Variants in PHKA2 observed in about 807,000 individuals in gnomAD.
PHKA2 encodes the protein phosphorylase b kinase regulatory subunit alpha, liver isoform.
In PHKA2, 31 loss-of-function variants were observed where a neutral mutation model predicts 102.0. That is an observed-to-expected ratio of 0.30 (90% CI 0.23 to 0.41). PHKA2 has a LOEUF of 0.41. PHKA2 is among the 10% of genes least tolerant of loss of function. The pLI is 1.00. For missense variants in PHKA2, 858 were observed against 1,023.1 expected (o/e 0.84, Z 2.20); for synonymous variants, 455 against 416.2 (o/e 1.09, Z -1.13).
intron 14 of PHKA2, among the ~76,000 whole-genome samples, chrX:18,926,088 G>A (rs2048205652): frequency 8.9e-6 from 1 of 112,454 alleles, no homozygotes; most frequent in South Asian, 3.6e-4. Flanking sequence ...AAGTCAGATT[G>A]TAGAAAAAGC....
chrX:18,919,607 G>A (rs1028321289), intron 18 of PHKA2, among the ~76,000 whole-genome samples: 2 of 108,829 alleles, frequency 1.8e-5, no homozygotes, highest in African/African-American at 6.7e-5. Flanking sequence ...TAGCCACTTG[G>A]GAGGCTGAGG....
At chrX:18,972,235 C>T (rs2049027569) in intron 1 of PHKA2, among the ~76,000 whole-genome samples, 1 of 112,247 alleles carries the variant, frequency 8.9e-6, no homozygotes, top group African/African-American at 3.2e-5. Context: ...CCTTTCTGTT[C>T]TTGAGGTCTT....
At chrX:18,942,389 T>C (rs1277099882) in intron 7 of PHKA2, among the ~76,000 whole-genome samples, 1 of 111,681 alleles carries the variant, frequency 9.0e-6, no homozygotes, top group Non-Finnish European at 1.9e-5. Context: ...CATAAGCTCA[T>C]TGAATCTTTC....
At chrX:18,965,940 C>T (rs1401107801) in intron 1 of PHKA2, among the ~76,000 whole-genome samples, 2 of 110,486 alleles carry the variant, frequency 1.8e-5, no homozygotes, top group Non-Finnish European at 3.8e-5. Flanking sequence ...GAGAATGCAA[C>T]TTTGTTTCAT....
chrX:18,944,370 T>C lies in PHKA2; in HGVS notation c.619-562A>G, dbSNP rs182277536. On this transcript the variant is annotated intron_variant, in intron 6 of 32. Transcript: ENST00000379942. ...GAAAGTTAATTCTTTTAGTAATAAG[T>C]ACACTTTCTGTCTGTTTACTTCAAT... is the stretch of plus-strand genomic sequence containing the variant. Among the ~76,000 whole-genome samples the C allele has an allele frequency of 7.7e-4, 86 of 111,967 alleles. 2 individuals are homozygous for C. Among genetic ancestry groups the C allele is most frequent in the Middle Eastern group, 4.6e-3 (1 of 216 alleles).
chrX:18,907,335 G>A (rs950951337), intron 22 of PHKA2, among the ~76,000 whole-genome samples: 2 of 112,548 alleles, frequency 1.8e-5, no homozygotes, highest in South Asian at 3.7e-4. Flanking sequence ...GCCTGGCTCC[G>A]AAGGGCCCGT....
intron 17 of PHKA2, among the ~76,000 whole-genome samples, chrX:18,922,820 C>T (rs1051593801): frequency 6.4e-5 from 7 of 110,201 alleles, no homozygotes; most frequent in African/African-American, 2.0e-4. Context: ...CTGAACTATA[C>T]ACTTACAAAT....
At chrX:18,924,028 T>A (rs760111799) in intron 17 of PHKA2, 28 bp downstream of exon 17, 1 of 1,044,896 alleles carries the variant, frequency 9.6e-7, no homozygotes, top group Non-Finnish European at 1.3e-6. Flanking sequence ...GTGCTACTCT[T>A]ATATTTTTTA....
At chrX:18,897,481 G>T in intron 29 of PHKA2, 148 bp from the exon 30 acceptor site, 1 of 506,463 alleles carries the variant, frequency 2.0e-6, no homozygotes, top group Non-Finnish European at 3.3e-6. Context: ...AGTCCACCTT[G>T]TCTGTTTCCT....
intron 1 of PHKA2, among the ~76,000 whole-genome samples, chrX:18,979,576 A>C (rs5955671): frequency 0.18 from 19,633 of 111,199 alleles, 1,469 homozygotes; most frequent in East Asian, 0.33. Flanking sequence ...TAAAGGCAAC[A>C]AATGTTTAAA....
rs181813010 is a variant in PHKA2, at chrX:18,907,319, C to T, written c.2518-222G>A. On this transcript the variant is annotated intron_variant, in intron 22 of 32. Coordinates refer to ENST00000379942, the MANE Select transcript of PHKA2 (RefSeq NM_000292.3). ...TGTGGTCTCTGTCTCCAATGTGTGG[C>T]CCCAAGCCTGGCTCCGAAGGGCCCG... 5.9e-3 allele frequency among the ~76,000 whole-genome samples: 665 copies of T among 112,524 alleles called. 9 individuals carry two copies. The highest frequency in any genetic ancestry group is 0.039 in the Admixed American group (417 of 10,682).
At chrX:18,955,374 GT>G (rs35875518) in intron 1 of PHKA2, among the ~76,000 whole-genome samples, 15,558 of 90,230 alleles carry the variant, frequency 0.17, 3,423 homozygotes, top group African/African-American at 0.57. Flanking sequence ...GCTGCTAGTA[GT>G]TTTTTTTTTT....
chrX:18,925,812 G>A (rs2048201189), intron 14 of PHKA2, 35 bp from the exon 15 acceptor site: 2 of 934,677 alleles, frequency 2.1e-6, no homozygotes, highest in Non-Finnish European at 3.1e-6. Context: ...TGGAGTTAGA[G>A]GAAATACGGT....
Position 18,968,821 on chromosome X carries a change from CAT to C in PHKA2, c.79-14411_79-14410del, listed in dbSNP as rs896988484. Among the ~76,000 whole-genome samples, 6 of 112,604 alleles carry C rather than the reference CAT, an allele frequency of 5.3e-5. No homozygotes were observed. The South Asian group carries it at 1.1e-3, about 20-fold the overall frequency. On this transcript the variant is annotated intron_variant, in intron 1 of 32. Coordinates refer to ENST00000379942, the MANE Select transcript of PHKA2 (RefSeq NM_000292.3). ...GCTCACAGTGACTCACAAGCTCATA[CAT>C]GTTTCCCCAAAATGCCGGGCAATGG...
At chrX:18,893,835 G>A (rs769197897) in intron 32 of PHKA2, among the ~76,000 whole-genome samples, 180 bp from the exon 33 acceptor site, 1 of 112,490 alleles carries the variant, frequency 8.9e-6, no homozygotes, top group South Asian at 3.7e-4. Context: ...CTGCCAGGGG[G>A]AATGCCCTAC....
chrX:18,921,088 C>G (rs765273389), intron 17 of PHKA2, among the ~76,000 whole-genome samples: 3 of 111,079 alleles, frequency 2.7e-5, no homozygotes, highest in Non-Finnish European at 5.7e-5. Context: ...GAGCACCCCC[C>G]CCAAGTGGAT....
At chrX:18,970,374 T>C (rs940075716) in intron 1 of PHKA2, among the ~76,000 whole-genome samples, 1 of 112,606 alleles carries the variant, frequency 8.9e-6, no homozygotes, top group African/African-American at 3.2e-5. Context: ...TCTACTCTCT[T>C]AGCAATTTTC....
chrX:18,902,142 T>C (rs755594044), intron 26 of PHKA2, among the ~76,000 whole-genome samples: 27 of 109,805 alleles, frequency 2.5e-4, no homozygotes, highest in Non-Finnish European at 4.8e-4. Flanking sequence ...CAACCAGCCA[T>C]GTTTTTTTAT....
At chrX:18,923,404 A>G (rs2048159246) in intron 17 of PHKA2, among the ~76,000 whole-genome samples, 1 of 111,746 alleles carries the variant, frequency 8.9e-6, no homozygotes, top group African/African-American at 3.3e-5. Flanking sequence ...GAGAATAGAC[A>G]CTACAGAGAA....
Sources: allele counts gnomAD v4.1 joint callset (sites outside exome capture counted in the v4.1 genomes callset), GRCh38; gene constraint gnomAD v4.1.1; transcripts MANE v1.5; gene names NCBI Gene and HGNC (gene_info 2026-07-23, HGNC 2026-07-21).